DENND5B: variants seen among roughly 807,000 people sequenced by gnomAD.
The protein encoded by DENND5B is DENN domain-containing protein 5B.
DENND5B carries 34 observed loss-of-function variants against 140.6 expected under a neutral mutation model. That is an observed-to-expected ratio of 0.24 (90% CI 0.18 to 0.32). DENND5B has a LOEUF of 0.32. Ranked by LOEUF, DENND5B falls within the 10% of genes least tolerant of loss-of-function variation. The pLI, the probability that DENND5B is intolerant of heterozygous loss-of-function variation, is 1.00. For missense variants in DENND5B, 1,142 were observed against 1,560.2 expected, an observed-to-expected ratio of 0.73 and a Z score of 4.52; for synonymous variants, 551 against 562.1, an observed-to-expected ratio of 0.98 and a Z score of 0.28.
At chr12:31,489,435 T>C (rs1021059364) in intron 2 of DENND5B, among the ~76,000 whole-genome samples, 1 of 152,084 alleles carries the variant, frequency 6.6e-6, no homozygotes, top group African/African-American at 2.4e-5. Context: ...AACCAGCAGT[T>C]ACCAAAAAAA....
chr12:31,588,578 A>C (rs1037755291), intron 1 of DENND5B, among the ~76,000 whole-genome samples: 2 of 152,256 alleles, frequency 1.3e-5, no homozygotes. Context: ...AGGTATTGTA[A>C]GTAATCTAGA....
intron 14 of DENND5B, among the ~76,000 whole-genome samples, chr12:31,404,759 CTTTTTTTT>C (rs71062425): frequency 1.4e-5 from 1 of 74,064 alleles, no homozygotes; most frequent in Non-Finnish European, 2.4e-5. Context: ...CGACCTCTAG[CTTTTTTTT>C]TTTTTTTTTG....
rs1254512031 is a variant in DENND5B at position 31,479,796 on chromosome 12, G to T, written c.697C>A (p.Leu233Ile). The T allele has an allele frequency of 2.5e-6, 4 of 1,613,002 alleles. No homozygotes were observed. The East Asian group carries it at 8.9e-5, about 36-fold the overall frequency. Residue 233 changes from leucine (L) to isoleucine (I), a missense_variant, in exon 3 of 21, where the codon CTT becomes ATT. By Grantham distance (5) the Leu-to-Ile change is conservative. Coordinates refer to ENST00000389082, the MANE Select transcript of DENND5B (RefSeq NM_144973.4). ...LPLESYIHNI[L>I]YEVPLPPPGR... ...GGAGGTGGAAGGGGTACTTCATAAA[G>T]AATATTGTGGATATAGCTTTCAAGT... is the stretch of plus-strand genomic sequence containing the variant.
At chr12:31,467,782 A>G (rs1314978249) in intron 3 of DENND5B, among the ~76,000 whole-genome samples, 2 of 152,244 alleles carry the variant, frequency 1.3e-5, no homozygotes, top group Non-Finnish European at 2.9e-5. Context: ...TGAAGATTCT[A>G]TAACATAAGA....
chr12:31,494,185 C>CTATCTATCT (rs1448867480), intron 2 of DENND5B, among the ~76,000 whole-genome samples: 110 of 69,070 alleles, frequency 1.6e-3, no homozygotes, highest in South Asian at 3.3e-3. Flanking sequence ...TCTATCTATC[C>CTATCTATCT]ATCCATCCAT....
intron 2 of DENND5B, among the ~76,000 whole-genome samples, chr12:31,482,179 G>A (rs1946095327): frequency 6.6e-6 from 1 of 152,172 alleles, no homozygotes; most frequent in African/African-American, 2.4e-5. Flanking sequence ...TGAAGCTCAT[G>A]TCATGATTGT....
intron 1 of DENND5B, among the ~76,000 whole-genome samples, chr12:31,576,271 G>C (rs1950014272): frequency 6.6e-6 from 1 of 151,948 alleles, no homozygotes. Context: ...GGCCAACATG[G>C]TGAAACTCTG....
At chr12:31,506,285 A>ATTAT (rs561837276) in intron 1 of DENND5B, 4 of 152,092 alleles carry the variant, frequency 2.6e-5, no homozygotes, top group Admixed American at 1.3e-4. Flanking sequence ...TTTTTAATTT[A>ATTAT]TTATTTATTT....
At chr12:31,551,228 T>A (rs1206768368) in intron 1 of DENND5B, among the ~76,000 whole-genome samples, 1 of 152,186 alleles carries the variant, frequency 6.6e-6, no homozygotes, top group Non-Finnish European at 1.5e-5. Context: ...CCATCTTGAA[T>A]TAATTTTTGT....
intron 17 of DENND5B, among the ~76,000 whole-genome samples, chr12:31,397,760 T>TA (rs1348499160): frequency 2.0e-5 from 3 of 151,530 alleles, no homozygotes; most frequent in Non-Finnish European, 4.4e-5. Flanking sequence ...AGGCAGTCTA[T>TA]AAAAAATACA....
intron 13 of DENND5B, 41 bp from the exon 14 acceptor site, chr12:31,409,425 G>GAAAA: frequency 1.4e-5 from 14 of 1,033,098 alleles, no homozygotes; most frequent in South Asian, 1.2e-4. Flanking sequence ...TAGTATCAAA[G>GAAAA]AAAAAAAAAA....
intron 1 of DENND5B, among the ~76,000 whole-genome samples, chr12:31,587,978 C>T (rs1950456731): frequency 6.6e-6 from 1 of 152,160 alleles, no homozygotes; most frequent in Non-Finnish European, 1.5e-5. Context: ...TTACTCTGCT[C>T]AAAACCTTCC....
At chr12:31,398,117 A>C in intron 17 of DENND5B, 58 bp downstream of exon 17, 1 of 1,462,780 alleles carries the variant, frequency 6.8e-7, no homozygotes, top group South Asian at 1.4e-5. Context: ...TTTTCTATCA[A>C]ATGGTCACAT....
chr12:31,507,005 G>A (rs1947228344), intron 1 of DENND5B, among the ~76,000 whole-genome samples: 1 of 152,092 alleles, frequency 6.6e-6, no homozygotes, highest in Admixed American at 6.5e-5. Flanking sequence ...CTCTCCAGAG[G>A]CCAGGTTGGT....
intron 8 of DENND5B, among the ~76,000 whole-genome samples, chr12:31,431,161 A>G (rs1386120219): frequency 6.6e-6 from 1 of 152,154 alleles, no homozygotes; most frequent in Non-Finnish European, 1.5e-5. Context: ...AATGAAACAA[A>G]CCACTAGGAA....
chr12:31,509,229 AC>A (rs757335115), intron 1 of DENND5B, among the ~76,000 whole-genome samples: 4 of 152,128 alleles, frequency 2.6e-5, no homozygotes, highest in Non-Finnish European at 5.9e-5. Context: ...CGTTTACACA[AC>A]CAAGCTCATT....
chr12:31,433,352 T>A, intron 7 of DENND5B, 104 bp from the exon 8 acceptor site: 2 of 967,544 alleles, frequency 2.1e-6, no homozygotes, highest in Admixed American at 5.7e-5. Context: ...AATCAATTAT[T>A]TAAAAAATAT....
intron 1 of DENND5B, among the ~76,000 whole-genome samples, chr12:31,547,150 G>T (rs1181622133): frequency 1.3e-5 from 2 of 152,088 alleles, no homozygotes; most frequent in Non-Finnish European, 2.9e-5. Context: ...CAGCAGATTT[G>T]CACTTATTGT....
intron 1 of DENND5B, among the ~76,000 whole-genome samples, chr12:31,530,051 A>G (rs2139074722): frequency 6.6e-6 from 1 of 152,304 alleles, no homozygotes; most frequent in African/African-American, 2.4e-5. Flanking sequence ...TATACTAGTC[A>G]CATATCTAAA....
Sources: allele counts gnomAD v4.1 joint callset (sites outside exome capture counted in the v4.1 genomes callset), GRCh38; gene constraint gnomAD v4.1.1; transcripts MANE v1.5; gene names NCBI Gene and HGNC (gene_info 2026-07-23, HGNC 2026-07-21).